Variants in FGFR1 observed in about 807,000 individuals in gnomAD.
FGFR1 encodes FGFR1/PLAG1 fusion.
A neutral mutation model predicts 93.7 loss-of-function variants in FGFR1; 18 were observed. That is an observed-to-expected ratio of 0.19 (90% CI 0.13 to 0.28). The LOEUF (loss-of-function observed/expected upper bound fraction) is 0.28, where lower values mean the gene tolerates loss of function less well. Ranked by LOEUF, FGFR1 falls within the 10% of genes least tolerant of loss-of-function variation. The pLI is 1.00. For synonymous variants in FGFR1, 448 were observed against 429.3 expected (o/e 1.04, Z -0.54); for missense variants, 731 against 1,080.4 (o/e 0.68, Z 4.53).
rs1191961108 is a variant in FGFR1 at position 38,454,538 on chromosome 8, T to C, written c.91+2818A>G. Reference sequence around the variant, plus strand: ...AAACCCACAGATGCTATTGCTGTAGTGTCTTTACTACTTTTTCCTTCCTCT... The same window carrying C: ...AAACCCACAGATGCTATTGCTGTAGCGTCTTTACTACTTTTTCCTTCCTCT... On this transcript the variant is annotated intron_variant, in intron 2 of 17. Coordinates refer to ENST00000447712, the MANE Select transcript of FGFR1 (RefSeq NM_023110.3). 2.6e-5 allele frequency among the ~76,000 whole-genome samples: 4 copies of C among 152,170 alleles called. No individual in the cohort carries two copies. In the East Asian group the frequency reaches 5.8e-4, roughly 22 times the overall value.
intron 1 of FGFR1, among the ~76,000 whole-genome samples, chr8:38,460,086 C>T (rs549080250): frequency 3.9e-5 from 6 of 152,192 alleles, no homozygotes; most frequent in Admixed American, 2.6e-4. Flanking sequence ...AGGAGGCTAA[C>T]GCATGAGAAT....
At chr8:38,441,589 C>T (rs1827490754) in intron 2 of FGFR1, among the ~76,000 whole-genome samples, 1 of 152,188 alleles carries the variant, frequency 6.6e-6, no homozygotes, top group South Asian at 2.1e-4. Context: ...CCTATCTAAA[C>T]AGGAAGAAAG....
chr8:38,419,737 T>A lies in FGFR1; in HGVS notation c.1082-2A>T, dbSNP rs2150716283. On this transcript the variant is annotated splice_acceptor_variant, in intron 8 of 17. Transcript: ENST00000447712. LOFTEE classifies it high-confidence loss of function. ...TCACTGCCGGCCTCTCTTCCAGGGC[T>A]GAGTCAGTGCGAACAGGGTGTTAGC... 1 of 1,613,980 alleles carries A rather than the reference T, an allele frequency of 6.2e-7. No individual in the cohort carries two copies. Among genetic ancestry groups the A allele is most frequent in the African/African-American group, 1.3e-5 (1 of 75,040 alleles).
chr8:38,440,349 G>T, intron 2 of FGFR1: 3 of 1,601,734 alleles, frequency 1.9e-6, no homozygotes, highest in Non-Finnish European at 2.6e-6. Flanking sequence ...GCATCTCACC[G>T]AAATCCCGGG....
At position 38,412,330 on chromosome 8, in the gene FGFR1, G is replaced by A. The variant is rs1457023272; in HGVS notation, c.*1298C>T. On this transcript the variant is annotated 3_prime_UTR_variant, in exon 18 of 18. Coordinates refer to ENST00000447712, the MANE Select transcript of FGFR1 (RefSeq NM_023110.3). The stretch of plus-strand genomic sequence containing the variant: ...GTCCCAAAGTGCTGGGATTACAGGC[G>A]TGAGCAACCGCGCCCTTGCTTTCCT... 1.7e-5 allele frequency: 4 copies of A among 229,952 alleles called. No homozygotes were observed. Among genetic ancestry groups the A allele is most frequent in the East Asian group, 6.2e-5 (1 of 16,204 alleles). 14.2% of individuals were successfully genotyped at this position (229,952 alleles called of 1,614,324 possible). A position where few individuals can be genotyped will look rare whatever the true frequency, so the allele number is the denominator to read the frequency against.
rs1815260137 is a variant in FGFR1, at chr8:38,413,844, T to C, written c.2293-40A>G. 6.2e-7 allele frequency: 1 copy of C among 1,613,344 alleles called. No homozygotes were observed. Among genetic ancestry groups the C allele is most frequent in the Non-Finnish European group, 8.5e-7 (1 of 1,179,566 alleles). Reference sequence around the variant, plus strand: ...AGGAAGCAGCGATGGGCCGGGCCCCTCCTCCCTGCTCAGGGAGGTGCGTGC... The same window carrying C: ...AGGAAGCAGCGATGGGCCGGGCCCCCCCTCCCTGCTCAGGGAGGTGCGTGC... On this transcript the variant is annotated intron_variant, in intron 17 of 17. Coordinates refer to ENST00000447712, the MANE Select transcript of FGFR1 (RefSeq NM_023110.3). The surrounding 1 kb of genome is among the most constrained non-coding windows in gnomAD (Gnocchi z 4.2).
At chr8:38,435,418 G>A (rs1824982931) in intron 2 of FGFR1, 1 of 152,176 alleles carries the variant, frequency 6.6e-6, no homozygotes, top group Non-Finnish European at 1.5e-5. Context: ...GTGTGTGTCA[G>A]GTTCTCCGTT....
chr8:38,443,731 T>G (rs1306060171), intron 2 of FGFR1, among the ~76,000 whole-genome samples: 1 of 151,790 alleles, frequency 6.6e-6, no homozygotes, highest in African/African-American at 2.4e-5. Context: ...ATGGTTAATT[T>G]TATGTTACAT....
Position 38,429,496 on chromosome 8 carries a change from A to G in FGFR1, c.358+186T>C, listed in dbSNP as rs147176521. On this transcript the variant is annotated intron_variant, in intron 3 of 17. Coordinates refer to ENST00000447712, the MANE Select transcript of FGFR1 (RefSeq NM_023110.3). This position sits in a 1 kb window ranked among gnomAD's most constrained non-coding sequence, Gnocchi z 4.4. ...GATCTCCGGCCCTGGGGCCCACCCC[A>G]CCTAGTCACCTCTCTGAGAGCCAAG... 1,391 of 745,482 alleles carry G rather than the reference A, an allele frequency of 1.9e-3. 16 individuals carry two copies. In the African/African-American group the frequency reaches 0.021, roughly 11 times the overall value. The allele number at this position is 745,482 out of a possible 1,614,324, so 46.2% of individuals were successfully genotyped here. A position where few individuals can be genotyped will look rare whatever the true frequency, so the allele number is the denominator to read the frequency against.
chr8:38,413,646 G>A lies in FGFR1; in HGVS notation c.2451C>T (p.Gly817=), dbSNP rs1014179319. The change falls in exon 18 of 18, where the codon GGC becomes GGT. Residue 817 remains glycine (G), a synonymous_variant. Coordinates refer to ENST00000447712, the MANE Select transcript of FGFR1 (RefSeq NM_023110.3). This position sits in a 1 kb window ranked among gnomAD's most constrained non-coding sequence, Gnocchi z 4.2. ...LPRHPAQLAN[G]GLKRR ...GTGGCAGTCAGCGGCGTTTGAGTCC[G>A]CCATTGGCAAGCTGGGCTGGGTGTC... 18 of 1,611,462 alleles carry A rather than the reference G, an allele frequency of 1.1e-5. No individual in the cohort carries two copies. The highest frequency in any genetic ancestry group is 5.0e-5 in the Admixed American group (3 of 59,658).
chr8:38,463,733 A>G (rs1253897819), intron 1 of FGFR1, among the ~76,000 whole-genome samples: 2 of 152,236 alleles, frequency 1.3e-5, no homozygotes, highest in Non-Finnish European at 2.9e-5. Flanking sequence ...ACTCTAGTCC[A>G]AAGAACCCTG....
intron 1 of FGFR1, among the ~76,000 whole-genome samples, chr8:38,458,352 C>A (rs2151376280): frequency 6.6e-6 from 1 of 152,178 alleles, no homozygotes; most frequent in East Asian, 1.9e-4. Context: ...ACCAACCTGG[C>A]CAATATGGTG....
intron 2 of FGFR1, among the ~76,000 whole-genome samples, chr8:38,452,206 C>G (rs1440105211): frequency 1.2e-4 from 3 of 25,888 alleles, no homozygotes; most frequent in African/African-American, 3.5e-4. Flanking sequence ...CACAGACACA[C>G]ACACACACAC....
intron 2 of FGFR1, among the ~76,000 whole-genome samples, chr8:38,447,146 CACACA>C (rs1563587455): frequency 1.1e-3 from 159 of 139,194 alleles, no homozygotes; most frequent in Middle Eastern, 0.011. Context: ...CACACACACA[CACACA>C]CCCCTGACAA....
intron 2 of FGFR1, among the ~76,000 whole-genome samples, chr8:38,449,229 T>C (rs184126183): frequency 6.6e-6 from 1 of 152,260 alleles, no homozygotes; most frequent in East Asian, 1.9e-4. Flanking sequence ...AGCTAAACCT[T>C]AAACTAAGAT....
chr8:38,459,742 G>C (rs1352419610), intron 1 of FGFR1, among the ~76,000 whole-genome samples: 1 of 152,180 alleles, frequency 6.6e-6, no homozygotes, highest in Admixed American at 6.5e-5. Flanking sequence ...GGATATTAGA[G>C]AACAGGGTGG....
intron 1 of FGFR1, among the ~76,000 whole-genome samples, chr8:38,463,736 G>C (rs1586806822): frequency 6.6e-6 from 1 of 152,180 alleles, no homozygotes; most frequent in Non-Finnish European, 1.5e-5. Context: ...CTAGTCCAAA[G>C]AACCCTGAGA....
intron 1 of FGFR1, among the ~76,000 whole-genome samples, chr8:38,458,292 G>C (rs1833442020): frequency 6.6e-6 from 1 of 152,162 alleles, no homozygotes; most frequent in Non-Finnish European, 1.5e-5. Context: ...TGCAATCCCA[G>C]CACTTCGGGA....
intron 1 of FGFR1, among the ~76,000 whole-genome samples, chr8:38,458,368 C>T (rs1462008768): frequency 6.6e-6 from 1 of 151,998 alleles, no homozygotes; most frequent in Non-Finnish European, 1.5e-5. Context: ...TGGTGAAATC[C>T]CATCTCTACT....
Sources: gnomAD v4.1 joint callset for allele counts (sites outside exome capture counted in the v4.1 genomes callset) on GRCh38, gnomAD v4.1.1 for gene constraint, Gnocchi (gnomAD v3.1) non-coding constraint, MANE v1.5 for transcripts, NCBI Gene and HGNC (gene_info 2026-07-23, HGNC 2026-07-21) for gene names.